Variants in KCNQ3 observed in about 807,000 individuals in gnomAD.
The protein encoded by KCNQ3 is potassium voltage-gated channel subfamily Q member 3.
In KCNQ3, 30 loss-of-function variants were observed where a neutral mutation model predicts 92.5. The ratio of observed to expected loss-of-function variants is 0.32; its 90% CI spans 0.24 to 0.44. The LOEUF is 0.44. Ranked by LOEUF, KCNQ3 falls within the 20% of genes least tolerant of loss-of-function variation. KCNQ3 has a pLI of 1.00. For synonymous variants in KCNQ3, 450 were observed against 468.8 expected (o/e 0.96, Z 0.52); for missense variants, 913 against 1,140.3 (o/e 0.80, Z 2.87).
chr8:132,342,949 T>C (rs1261638617), intron 1 of KCNQ3, among the ~76,000 whole-genome samples: 2 of 152,194 alleles, frequency 1.3e-5, no homozygotes, highest in Non-Finnish European at 2.9e-5. Context: ...TGGTTTTTGT[T>C]TTTACAGGCA....
intron 1 of KCNQ3, among the ~76,000 whole-genome samples, chr8:132,355,014 G>T (rs767867433): frequency 3.9e-5 from 6 of 152,122 alleles, no homozygotes; most frequent in Non-Finnish European, 7.4e-5. Context: ...TCAGCAACAG[G>T]ACCAGTTCTA....
intron 1 of KCNQ3, among the ~76,000 whole-genome samples, chr8:132,442,121 T>C (rs1372728367): frequency 6.6e-6 from 1 of 152,090 alleles, no homozygotes; most frequent in Non-Finnish European, 1.5e-5. Context: ...AAATAACTAA[T>C]GGGTACTAGG....
Position 132,121,531 on chromosome 8 carries a change from C to T in KCNQ3, c.*7731G>A, listed in dbSNP as rs937399404. 3.9e-5 allele frequency: 6 copies of T among 152,140 alleles called. No homozygotes were observed. The highest frequency in any genetic ancestry group is 1.4e-4 in the African/African-American group (6 of 41,420). The allele number at this position is 152,140 out of a possible 1,614,324, so 9.4% of individuals were successfully genotyped here. A position where few individuals can be genotyped will look rare whatever the true frequency, so the allele number is the denominator to read the frequency against. Reference sequence around the variant, plus strand: ...GGAACTATGGGGGTGGGAACTGCCCCCTCCTTGGAAAAGTATTCAGAGGGG... The same window carrying T: ...GGAACTATGGGGGTGGGAACTGCCCTCTCCTTGGAAAAGTATTCAGAGGGG... On this transcript the variant is annotated 3_prime_UTR_variant, in exon 15 of 15. Transcript: ENST00000388996.
chr8:132,438,742 T>C (rs1371377755), intron 1 of KCNQ3, among the ~76,000 whole-genome samples: 1 of 151,680 alleles, frequency 6.6e-6, no homozygotes, highest in Non-Finnish European at 1.5e-5. Context: ...TGAAAGGAAA[T>C]GTGGTCAGCG....
In KCNQ3 at chr8:132,129,493, G is replaced by C. The variant is rs957388952; in HGVS notation, c.2388C>G (p.Asn796Lys). The C allele has an allele frequency of 6.2e-7, 1 of 1,614,074 alleles. No homozygotes were observed. Among genetic ancestry groups the C allele is most frequent in the Non-Finnish European group, 8.5e-7 (1 of 1,180,044 alleles). ...SDTPLSLMSV[N>K]HEELERSPSG... ...TTGGAGACCTCTCCAGCTCCTCGTG[G>C]TTGACCGACATCAGGGACAGAGGTG... The change falls in exon 15 of 15, where the codon AAC becomes AAG. Residue 796 changes from asparagine to lysine, a missense_variant. Physicochemically the swap from Asn to Lys is moderately conservative, Grantham distance 94. This residue lies in a region of KCNQ3 where 375 missense variants were observed against 376.4 expected (regional missense o/e 1.00). Coordinates refer to ENST00000388996, the MANE Select transcript of KCNQ3 (RefSeq NM_004519.4). The surrounding 1 kb of genome is among the most constrained non-coding windows in gnomAD (Gnocchi z 5.9).
intron 1 of KCNQ3, among the ~76,000 whole-genome samples, chr8:132,390,512 G>C (rs1820023017): frequency 6.6e-6 from 1 of 152,190 alleles, no homozygotes; most frequent in African/African-American, 2.4e-5. Flanking sequence ...CCCCACTCCA[G>C]ACCAGTGAAA....
intron 1 of KCNQ3, among the ~76,000 whole-genome samples, chr8:132,210,016 G>C (rs1002767889): frequency 1.3e-5 from 2 of 152,104 alleles, no homozygotes; most frequent in African/African-American, 4.8e-5. Context: ...ATTCTTCCAG[G>C]ATGTAATGAT....
rs1368211262 is a variant in KCNQ3 at position 132,480,378 on chromosome 8, T to C, written c.155A>G (p.Gln52Arg). 6.4e-7 allele frequency: 1 copy of C among 1,567,966 alleles called. No individual in the cohort carries two copies. Among genetic ancestry groups the C allele is most frequent in the Non-Finnish European group, 8.6e-7 (1 of 1,164,708 alleles). ...KVGLAPGDVE[Q>R]VTLALGAGAD... ...TCCGGCCCCGAGCGCCAAGGTGACT[T>C]GCTCCACGTCGCCGGGCGCCAGCCC... The change falls in exon 1 of 15, where the codon CAA becomes CGA. Residue 52 changes from glutamine (Q) to arginine (R), a missense_variant. Transcript: ENST00000388996.
chr8:132,227,058 C>CTTTTTTTTTTTTTTTTTTT (rs1563813401), intron 1 of KCNQ3, among the ~76,000 whole-genome samples: 1 of 88,662 alleles, frequency 1.1e-5, no homozygotes, highest in Non-Finnish European at 2.3e-5. Context: ...ACATATCTCA[C>CTTTTTTTTTTTTTTTTTTT]TCTTTTTTTT....
intron 1 of KCNQ3, among the ~76,000 whole-genome samples, chr8:132,402,642 A>G (rs746382173): frequency 1.3e-5 from 2 of 152,198 alleles, no homozygotes; most frequent in Non-Finnish European, 2.9e-5. Context: ...TGGTGGACAT[A>G]TGACATTATT....
chr8:132,169,498 A>T (rs1339331931), intron 8 of KCNQ3, among the ~76,000 whole-genome samples: 2 of 152,228 alleles, frequency 1.3e-5, no homozygotes, highest in Non-Finnish European at 2.9e-5. Context: ...TGAGAACACG[A>T]AACAGCGTCT....
chr8:132,398,563 G>C (rs1220822639), intron 1 of KCNQ3, among the ~76,000 whole-genome samples: 1 of 152,116 alleles, frequency 6.6e-6, no homozygotes, highest in Non-Finnish European at 1.5e-5. Flanking sequence ...TTTCATTAAA[G>C]GTTACTTGCA....
chr8:132,230,475 GAGAGAGAA>G (rs1428265109), intron 1 of KCNQ3, among the ~76,000 whole-genome samples: 1 of 150,168 alleles, frequency 6.7e-6, no homozygotes, highest in African/African-American at 2.5e-5. Flanking sequence ...GAGAGAGAGA[GAGAGAGAA>G]AATCCTTTAA....
chr8:132,424,650 T>C (rs1484045666), intron 1 of KCNQ3, among the ~76,000 whole-genome samples: 1 of 152,314 alleles, frequency 6.6e-6, no homozygotes, highest in East Asian at 1.9e-4. Flanking sequence ...CACAGGAACT[T>C]ATGTGTCACA....
At chr8:132,156,877 G>C (rs577331497) in intron 9 of KCNQ3, among the ~76,000 whole-genome samples, 17 of 152,248 alleles carry the variant, frequency 1.1e-4, no homozygotes, top group Middle Eastern at 3.4e-3. Flanking sequence ...AAATGAGAGG[G>C]AGTTTGGGAC....
intron 1 of KCNQ3, among the ~76,000 whole-genome samples, chr8:132,248,331 T>C (rs1563824051): frequency 1.3e-5 from 1 of 77,392 alleles, no homozygotes; most frequent in South Asian, 5.9e-4. Flanking sequence ...TTTTAGTCTA[T>C]AAGTATATAT....
chr8:132,308,986 A>G (rs1437022594), intron 1 of KCNQ3, among the ~76,000 whole-genome samples: 1 of 152,184 alleles, frequency 6.6e-6, no homozygotes, highest in East Asian at 1.9e-4. Context: ...GGGTGTTGCC[A>G]AAGGAGATTA....
intron 1 of KCNQ3, among the ~76,000 whole-genome samples, chr8:132,368,680 T>C (rs1337890388): frequency 6.6e-6 from 1 of 151,998 alleles, no homozygotes; most frequent in Non-Finnish European, 1.5e-5. Context: ...AAGAAAAATA[T>C]TTTAAAAAGA....
intron 1 of KCNQ3, among the ~76,000 whole-genome samples, chr8:132,439,405 C>T (rs1821476140): frequency 6.6e-6 from 1 of 152,038 alleles, no homozygotes; most frequent in South Asian, 2.1e-4. Context: ...CCCCCTGACT[C>T]CCCAGCAGGA....
Sources: allele counts gnomAD v4.1 joint callset (sites outside exome capture counted in the v4.1 genomes callset), GRCh38; gene constraint gnomAD v4.1.1; regional missense constraint gnomAD v4.1.1; non-coding constraint Gnocchi (gnomAD v3.1); transcripts MANE v1.5; gene names NCBI Gene and HGNC (gene_info 2026-07-23, HGNC 2026-07-21).